The following NRXN3 variants were observed in gnomAD, a reference collection of about 807,000 sequenced individuals.
NRXN3 encodes neurexin 3, also known as neurexin III.
Under a neutral mutation model 137.6 loss-of-function variants are expected in NRXN3, and 32 were observed. That is an observed-to-expected ratio of 0.23 (90% CI 0.18 to 0.31). The LOEUF is 0.31. Ranked by LOEUF, NRXN3 falls within the 10% of genes least tolerant of loss-of-function variation. The pLI, the probability that NRXN3 is intolerant of heterozygous loss-of-function variation, is 1.00. For synonymous variants in NRXN3, 798 were observed against 784.5 expected (o/e 1.02, Z -0.29); for missense variants, 1,574 against 2,062.5 (o/e 0.76, Z 4.59).
chr14:78,471,565 G>A (rs796662877), intron 4 of NRXN3, among the ~76,000 whole-genome samples: 1 of 152,148 alleles, frequency 6.6e-6, no homozygotes, highest in East Asian at 1.9e-4. Context: ...TTTAGGGCAT[G>A]GTTGGTACTG....
At chr14:79,029,606 TC>T (rs1382730572) in intron 15 of NRXN3, among the ~76,000 whole-genome samples, 2 of 152,126 alleles carry the variant, frequency 1.3e-5, no homozygotes, top group Non-Finnish European at 1.5e-5. Context: ...ACTGGTTAAT[TC>T]TTTGAGGGGA....
intron 4 of NRXN3, among the ~76,000 whole-genome samples, chr14:78,500,655 A>G (rs138635690): frequency 2.6e-5 from 4 of 152,296 alleles, no homozygotes; most frequent in East Asian, 1.9e-4. Context: ...GACTTTTACT[A>G]TCTCACCTTA....
intron 4 of NRXN3, among the ~76,000 whole-genome samples, chr14:78,515,247 C>T (rs144822322): frequency 6.6e-6 from 1 of 152,278 alleles, no homozygotes; most frequent in Non-Finnish European, 1.5e-5. Flanking sequence ...TAGAGGGATG[C>T]TCATCTTCGA....
At chr14:79,472,590 G>A (rs753158666) in intron 16 of NRXN3, among the ~76,000 whole-genome samples, 1 of 152,150 alleles carries the variant, frequency 6.6e-6, no homozygotes, top group Non-Finnish European at 1.5e-5. Flanking sequence ...ATTCTGTAGA[G>A]CGAGGGTGTC....
intron 15 of NRXN3, among the ~76,000 whole-genome samples, chr14:79,046,747 T>TG (rs1196376513): frequency 7.2e-5 from 11 of 152,314 alleles, no homozygotes; most frequent in African/African-American, 2.4e-4. Context: ...CTAAAGAGGG[T>TG]ATTTTTGAAA....
chr14:79,601,230 AC>A (rs2097919117), intron 16 of NRXN3, among the ~76,000 whole-genome samples: 1 of 151,632 alleles, frequency 6.6e-6, no homozygotes, highest in Non-Finnish European at 1.5e-5. Flanking sequence ...TTTAGTAGAG[AC>A]GGGGTTTCAC....
intron 15 of NRXN3, among the ~76,000 whole-genome samples, chr14:79,286,055 A>G (rs1182544401): frequency 6.6e-6 from 1 of 152,184 alleles, no homozygotes; most frequent in Non-Finnish European, 1.5e-5. Context: ...AAAAACAGCT[A>G]TTGGTTCAGT....
At chr14:78,419,062 G>C (rs550116342) in intron 4 of NRXN3, among the ~76,000 whole-genome samples, 2 of 152,230 alleles carry the variant, frequency 1.3e-5, no homozygotes, top group African/African-American at 4.8e-5. Flanking sequence ...AAGAGCCTCA[G>C]TTACCCCTCA....
intron 15 of NRXN3, among the ~76,000 whole-genome samples, chr14:79,172,233 C>G (rs71414785): frequency 6.6e-6 from 1 of 150,666 alleles, no homozygotes. Flanking sequence ...ATCCCTGAAT[C>G]TGAATCATGG....
chr14:79,342,510 T>C lies in NRXN3; in HGVS notation c.3263-124711T>C, dbSNP rs980523074. Among the ~76,000 whole-genome samples, 7 of 152,180 alleles carry C rather than the reference T, an allele frequency of 4.6e-5. No homozygotes were observed. In the South Asian group the frequency reaches 1.0e-3, roughly 23 times the overall value. ...CAAGTACTACTACTTTTTTTTTTTT[T>C]CCTTTGGCTTCCCAAGAAGAGGACC... On this transcript the variant is annotated intron_variant, in intron 15 of 20. Transcript: ENST00000335750.
chr14:78,266,339 G>A (rs769299787), intron 2 of NRXN3, among the ~76,000 whole-genome samples: 27 of 151,532 alleles, frequency 1.8e-4, no homozygotes, highest in South Asian at 2.1e-4. Context: ...TCACTCTGTC[G>A]CCAGGCTGGA....
chr14:79,177,028 C>A (rs2062413860), intron 15 of NRXN3, among the ~76,000 whole-genome samples: 1 of 152,106 alleles, frequency 6.6e-6, no homozygotes, highest in African/African-American at 2.4e-5. Context: ...AGAAAAGTTA[C>A]TGTTGAAATA....
At chr14:79,652,054 A>G (rs947994922) in intron 16 of NRXN3, among the ~76,000 whole-genome samples, 5 of 152,078 alleles carry the variant, frequency 3.3e-5, no homozygotes, top group African/African-American at 1.2e-4. Flanking sequence ...ATTATAGATG[A>G]CCTCCAGTGG....
At chr14:78,391,359 C>T (rs529020034) in intron 4 of NRXN3, among the ~76,000 whole-genome samples, 40 of 151,540 alleles carry the variant, frequency 2.6e-4, no homozygotes, top group Non-Finnish European at 1.9e-4. Context: ...TCTAAAAGTT[C>T]CTTCATGACC....
intron 16 of NRXN3, among the ~76,000 whole-genome samples, chr14:79,571,537 A>C (rs889975580): frequency 2.0e-5 from 3 of 152,174 alleles, no homozygotes; most frequent in African/African-American, 7.2e-5. Context: ...TGCACCTCAG[A>C]TAAGGGAGCT....
At chr14:78,177,746 A>T (rs986286523) in intron 1 of NRXN3, 1 of 152,082 alleles carries the variant, frequency 6.6e-6, no homozygotes, top group Non-Finnish European at 1.5e-5. Flanking sequence ...ACTTTCACTT[A>T]CCCCCACTTT....
chr14:78,265,409 A>G (rs905622003), intron 2 of NRXN3, among the ~76,000 whole-genome samples: 1 of 152,152 alleles, frequency 6.6e-6, no homozygotes, highest in Non-Finnish European at 1.5e-5. Context: ...GAGACAGATG[A>G]TATATTAAGA....
chr14:79,579,495 T>C (rs2097695466), intron 16 of NRXN3, among the ~76,000 whole-genome samples: 1 of 151,718 alleles, frequency 6.6e-6, no homozygotes, highest in South Asian at 2.1e-4. Flanking sequence ...GGACTGATAA[T>C]ATAACCAGGA....
intron 15 of NRXN3, among the ~76,000 whole-genome samples, chr14:79,276,480 C>T (rs759931262): frequency 3.3e-4 from 50 of 152,092 alleles, no homozygotes; most frequent in African/African-American, 1.2e-3. Context: ...CCAAAATTCA[C>T]GGTGACTTCT....
Sources: gnomAD v4.1 joint callset for allele counts (sites outside exome capture counted in the v4.1 genomes callset) on GRCh38, gnomAD v4.1.1 for gene constraint, MANE v1.5 for transcripts, NCBI Gene and HGNC (gene_info 2026-07-23, HGNC 2026-07-21) for gene names.